Variants in NBEA observed in about 807,000 individuals in gnomAD.
NBEA encodes the protein lysosomal-trafficking regulator 2.
A neutral mutation model predicts 343.4 loss-of-function variants in NBEA; 44 were observed. That is an observed-to-expected ratio of 0.13 (90% confidence interval 0.10 to 0.16). The LOEUF (loss-of-function observed/expected upper bound fraction) is 0.16, where lower values mean the gene tolerates loss of function less well. Among genes scored for constraint, NBEA ranks in the 10% least tolerant of loss-of-function variants. The pLI is 1.00. For missense variants in NBEA, 2,555 were observed against 3,631.3 expected (o/e 0.70, Z 7.62); for synonymous variants, 1,175 against 1,238.7 (o/e 0.95, Z 1.08).
intron 38 of NBEA, among the ~76,000 whole-genome samples, chr13:35,426,092 T>C (rs1424806104): frequency 6.6e-6 from 1 of 152,218 alleles, no homozygotes; most frequent in Non-Finnish European, 1.5e-5. Context: ...GGGTCTTGAC[T>C]CTTTATCCAA....
Position 34,984,800 on chromosome 13 carries a change from A to G in NBEA, c.294+41686A>G, listed in dbSNP as rs369314764. On this transcript the variant is annotated intron_variant, in intron 1 of 58. Coordinates refer to ENST00000379939, the MANE Select transcript of NBEA (RefSeq NM_001385012.1). ...TAGGTATTTTATTCTCATTGTAGCA[A>G]TTGTGAATGGGAGTTCACTCATGAT... Among the ~76,000 whole-genome samples, 175 of 150,994 alleles carry G rather than the reference A, an allele frequency of 1.2e-3. 9 individuals are homozygous for G. The South Asian group carries it at 0.035, about 31-fold the overall frequency.
At chr13:35,198,091 T>A (rs1335512024) in intron 31 of NBEA, among the ~76,000 whole-genome samples, 1 of 152,156 alleles carries the variant, frequency 6.6e-6, no homozygotes, top group African/African-American at 2.4e-5. Flanking sequence ...TTTTTGGTAT[T>A]TTGGTATTAA....
At chr13:34,996,206 A>G (rs1320568644) in intron 1 of NBEA, among the ~76,000 whole-genome samples, 1 of 152,218 alleles carries the variant, frequency 6.6e-6, no homozygotes, top group Non-Finnish European at 1.5e-5. Flanking sequence ...AAAGCTTAAA[A>G]AGTTGCTTGC....
intron 35 of NBEA, among the ~76,000 whole-genome samples, chr13:35,307,786 G>C (rs2036996148): frequency 6.6e-6 from 1 of 152,016 alleles, no homozygotes; most frequent in African/African-American, 2.4e-5. Context: ...TATTTTGTAG[G>C]ATCCTGATTT....
At chr13:35,318,562 C>T (rs1009743504) in intron 36 of NBEA, among the ~76,000 whole-genome samples, 1 of 152,062 alleles carries the variant, frequency 6.6e-6, no homozygotes, top group African/African-American at 2.4e-5. Context: ...CTGAAATTTT[C>T]TTATTTTGTT....
intron 33 of NBEA, among the ~76,000 whole-genome samples, chr13:35,228,913 AGAG>A (rs1237573191): frequency 4.6e-5 from 7 of 152,146 alleles, no homozygotes; most frequent in African/African-American, 1.7e-4. Context: ...TTAAGTTATT[AGAG>A]TATAAGATTA....
chr13:35,442,980 TC>T (rs746287535), intron 39 of NBEA, among the ~76,000 whole-genome samples: 4 of 152,134 alleles, frequency 2.6e-5, no homozygotes, highest in Non-Finnish European at 5.9e-5. Flanking sequence ...CTTGCAAGTA[TC>T]CTTGATGTCC....
chr13:35,324,540 A>G (rs1282817814), intron 36 of NBEA, among the ~76,000 whole-genome samples: 1 of 152,218 alleles, frequency 6.6e-6, no homozygotes, highest in Non-Finnish European at 1.5e-5. Flanking sequence ...TGAAGTTCTT[A>G]GCACTTATTA....
chr13:35,333,818 G>A (rs480282), intron 36 of NBEA, among the ~76,000 whole-genome samples: 26,061 of 151,902 alleles, frequency 0.17, 2,661 homozygotes, highest in African/African-American at 0.28. Flanking sequence ...TGCCTGTCCT[G>A]TTTCATTTAA....
chr13:35,035,602 G>A (rs1304394945), intron 1 of NBEA, among the ~76,000 whole-genome samples: 1 of 151,986 alleles, frequency 6.6e-6, no homozygotes, highest in Non-Finnish European at 1.5e-5. Flanking sequence ...AGTGCTGAAA[G>A]TGAGGTTTTG....
rs554133984 is a variant in NBEA, at chr13:35,310,633, C to T, written c.5903+1041C>T. 1.1e-4 allele frequency among the ~76,000 whole-genome samples: 16 copies of T among 152,202 alleles called. No individual in the cohort carries two copies. The South Asian group carries it at 2.1e-3, about 20-fold the overall frequency. ...TTGGCAGTGGACACATTAAAACAGA[C>T]GTAGCTGTCACCATGTGACATATAT... On this transcript the variant is annotated intron_variant, in intron 36 of 58. Transcript: ENST00000379939.
chr13:35,378,843 G>C (rs541944796), intron 38 of NBEA, among the ~76,000 whole-genome samples: 11 of 151,724 alleles, frequency 7.3e-5, no homozygotes, highest in South Asian at 4.2e-4. Flanking sequence ...TAAATTCTAA[G>C]AGCATTTATT....
chr13:35,645,412 G>A (rs547773375), intron 49 of NBEA, among the ~76,000 whole-genome samples: 4 of 152,134 alleles, frequency 2.6e-5, no homozygotes, highest in East Asian at 1.9e-4. Flanking sequence ...TTTATGTATC[G>A]AGGAAATACT....
At position 35,628,225 on chromosome 13, in the gene NBEA, A is replaced by G. The variant is rs765870969; in HGVS notation, c.7594A>G (p.Ile2532Val). The G allele has an allele frequency of 3.1e-6, 5 of 1,610,400 alleles. No homozygotes were observed. The highest frequency in any genetic ancestry group is 3.4e-6 in the Non-Finnish European group (4 of 1,178,196). ...TYEGSVNLDS[I>V]TDPVLREIPE... ...TGAAGGCTCTGTGAACCTGGATAGTATCACTGATCCTGTGCTCAGGGAGGT... is the reference window on the plus strand; with the variant it reads ...TGAAGGCTCTGTGAACCTGGATAGTGTCACTGATCCTGTGCTCAGGGAGGT... Residue 2532 changes from isoleucine (I) to valine (V), a missense_variant, in exon 49 of 59, where the codon ATC (isoleucine) becomes GTC (valine). Coordinates refer to ENST00000379939, the MANE Select transcript of NBEA (RefSeq NM_001385012.1).
At chr13:35,601,179 C>CAA (rs34151272) in intron 47 of NBEA, among the ~76,000 whole-genome samples, 1 of 146,698 alleles carries the variant, frequency 6.8e-6, no homozygotes, top group African/African-American at 2.6e-5. Flanking sequence ...TGCATCTCAA[C>CAA]AAAAAAAAAA....
chr13:35,301,288 GT>G (rs1161604931), intron 35 of NBEA, among the ~76,000 whole-genome samples: 1 of 151,710 alleles, frequency 6.6e-6, no homozygotes, highest in Non-Finnish European at 1.5e-5. Flanking sequence ...CGTCATCTAG[GT>G]TTTAAGCTCC....
At chr13:35,436,832 A>G (rs1473839753) in intron 39 of NBEA, among the ~76,000 whole-genome samples, 1 of 152,204 alleles carries the variant, frequency 6.6e-6, no homozygotes, top group Non-Finnish European at 1.5e-5. Context: ...GATTTTAGGT[A>G]CAAAAGAACA....
At position 35,312,440 on chromosome 13, in the gene NBEA, AT is replaced by A; in HGVS notation, c.5903+2851del. Among the ~76,000 whole-genome samples the A allele has an allele frequency of 2.0e-5, 3 of 152,338 alleles. 1 individual carries two copies. Among genetic ancestry groups the A allele is most frequent in the African/African-American group, 7.2e-5 (3 of 41,582 alleles). ...TAGTGAGACATGTTACTGGAGAGCT[AT>A]TTCCAGTCAGCCAGCAGCTATTTAA... On this transcript the variant is annotated intron_variant, in intron 36 of 58. Transcript: ENST00000379939.
intron 41 of NBEA, among the ~76,000 whole-genome samples, chr13:35,541,725 G>GGTGTGTGTGTGTGTGTGTGTGT (rs3075505): frequency 3.0e-4 from 44 of 145,222 alleles, no homozygotes; most frequent in Non-Finnish European, 4.5e-4. Flanking sequence ...GGTCTGCATG[G>GGTGTGTGTGTGTGTGTGTGTGT]GTGTGTGTGT....
Sources: gnomAD v4.1 joint callset for allele counts (sites outside exome capture counted in the v4.1 genomes callset) on GRCh38, gnomAD v4.1.1 for gene constraint, MANE v1.5 for transcripts, NCBI Gene and HGNC (gene_info 2026-07-23, HGNC 2026-07-21) for gene names.